Variants in FSTL4 observed in about 807,000 individuals in gnomAD.
The protein encoded by FSTL4 is follistatin-related protein 4.
In FSTL4, 28 loss-of-function variants were observed where a neutral mutation model predicts 78.2. The ratio of observed to expected loss-of-function variants is 0.36; its 90% CI spans 0.27 to 0.49. The LOEUF is 0.49. FSTL4 is among the 20% of genes least tolerant of loss of function. The pLI is 0.98. For synonymous variants in FSTL4, 422 were observed against 440.5 expected (o/e 0.96, Z 0.53); for missense variants, 922 against 1,084.9 (o/e 0.85, Z 2.11).
intron 6 of FSTL4, among the ~76,000 whole-genome samples, chr5:133,295,060 A>C (rs1417053066): frequency 1.3e-5 from 2 of 152,150 alleles, no homozygotes; most frequent in African/African-American, 4.8e-5. Context: ...AGCTGCCCAA[A>C]GATCACTCCG....
chr5:133,643,168 G>A, the FSTL4 span, among the ~76,000 whole-genome samples: 13 of 152,236 alleles, frequency 8.5e-5, no homozygotes, highest in Admixed American at 6.5e-4. Context: ...TAAAGCATAC[G>A]TATATGTATA....
chr5:133,361,022 T>C lies in FSTL4; in HGVS notation c.409+39716A>G, dbSNP rs1203403989. On this transcript the variant is annotated intron_variant, in intron 4 of 15. Transcript: ENST00000265342. This position sits in a 1 kb window ranked among gnomAD's most constrained non-coding sequence, Gnocchi z 4.3. ...CAATTGTGTAGGACCTTTTTTTCTCTTCTTGGAGTTTACAAACCTCGAAAT... is the reference window on the plus strand; with the variant it reads ...CAATTGTGTAGGACCTTTTTTTCTCCTCTTGGAGTTTACAAACCTCGAAAT... 6.6e-6 allele frequency among the ~76,000 whole-genome samples: 1 copy of C among 152,216 alleles called. No homozygotes were observed. The highest frequency in any genetic ancestry group is 1.5e-5 in the Non-Finnish European group (1 of 68,044).
chr5:133,839,575 T>A, the FSTL4 span, among the ~76,000 whole-genome samples: 1 of 152,188 alleles, frequency 6.6e-6, no homozygotes, highest in East Asian at 1.9e-4. Flanking sequence ...TAACACCCCA[T>A]GAACATTGTA....
the FSTL4 span, among the ~76,000 whole-genome samples, chr5:133,646,066 C>CA: frequency 6.6e-6 from 1 of 152,188 alleles, no homozygotes; most frequent in African/African-American, 2.4e-5. Context: ...CCTCCTAGAG[C>CA]ATGCAGTCCA....
At position 133,470,746 on chromosome 5, in the gene FSTL4, AAAAATAAAATAAAATAAAATAAAAT is replaced by A. The variant is rs61460224; in HGVS notation, c.161-69785_161-69761del. 3.0e-3 allele frequency among the ~76,000 whole-genome samples: 375 copies of A among 127,000 alleles called. 3 individuals carry two copies. Among genetic ancestry groups the A allele is most frequent in the Non-Finnish European group, 3.8e-3 (235 of 62,552 alleles). The allele number at this position is 127,000 out of a possible 152,430, so 83.3% of individuals were successfully genotyped here. A position where few individuals can be genotyped will look rare whatever the true frequency, so the allele number is the denominator to read the frequency against. ...GGGAACAAGAGTGAAACTCTGCCTC[AAAAATAAAATAAAATAAAATAAAAT>A]AAAATAAAATAAAATAAAATAAAAT... On this transcript the variant is annotated intron_variant, in intron 3 of 15. Transcript: ENST00000265342.
the FSTL4 span, among the ~76,000 whole-genome samples, chr5:133,693,174 A>T: frequency 2.2e-3 from 335 of 152,286 alleles, 2 homozygotes; most frequent in Non-Finnish European, 4.1e-3. Flanking sequence ...TGCTTTGCTG[A>T]TCCAGCCCCA....
At chr5:133,715,775 C>G in the FSTL4 span, among the ~76,000 whole-genome samples, 1 of 152,136 alleles carries the variant, frequency 6.6e-6, no homozygotes, top group Non-Finnish European at 1.5e-5. Flanking sequence ...GAATGCCTTG[C>G]GAAATCCCAA....
chr5:133,352,763 T>C (rs1754859395), intron 4 of FSTL4, among the ~76,000 whole-genome samples: 1 of 152,210 alleles, frequency 6.6e-6, no homozygotes, highest in South Asian at 2.1e-4. Context: ...GCATCCATGT[T>C]GTTGCAAATG....
At chr5:133,490,096 T>C (rs978805971) in intron 3 of FSTL4, among the ~76,000 whole-genome samples, 1 of 152,176 alleles carries the variant, frequency 6.6e-6, no homozygotes, top group Non-Finnish European at 1.5e-5. Context: ...CTGGTTTACA[T>C]GTATTTTCCT....
chr5:133,310,122 A>G (rs1366229), intron 6 of FSTL4, among the ~76,000 whole-genome samples: 83,880 of 151,952 alleles, frequency 0.55, 23,321 homozygotes, highest in Middle Eastern at 0.67. Context: ...ATTGATCCCC[A>G]TATGCTCCAA....
At chr5:133,403,605 C>G (rs139034431) in intron 3 of FSTL4, among the ~76,000 whole-genome samples, 1 of 152,208 alleles carries the variant, frequency 6.6e-6, no homozygotes. Context: ...GTGGTGAAGC[C>G]TCACATGTGT....
the FSTL4 span, among the ~76,000 whole-genome samples, chr5:133,711,924 G>A: frequency 1.3e-5 from 2 of 152,182 alleles, no homozygotes; most frequent in African/African-American, 4.8e-5. Context: ...ACAGCACACA[G>A]AGATGTTGGC....
chr5:133,538,887 G>C (rs993058101), intron 3 of FSTL4, among the ~76,000 whole-genome samples: 4 of 152,160 alleles, frequency 2.6e-5, no homozygotes, highest in African/African-American at 9.7e-5. Context: ...AGAGCGGGGG[G>C]CTAGCCAGCT....
intron 7 of FSTL4, 31 bp from the exon 8 acceptor site, chr5:133,233,568 G>A: frequency 6.2e-7 from 1 of 1,611,608 alleles, no homozygotes; most frequent in Non-Finnish European, 8.5e-7. Flanking sequence ...GATGAGACTG[G>A]CCTCTTTATT....
At chr5:133,532,457 G>A (rs1343536986) in intron 3 of FSTL4, among the ~76,000 whole-genome samples, 1 of 152,146 alleles carries the variant, frequency 6.6e-6, no homozygotes, top group African/African-American at 2.4e-5. Context: ...TTTTGGTTGT[G>A]TAGGCACACG....
chr5:133,302,792 G>A (rs1241979030), intron 6 of FSTL4, among the ~76,000 whole-genome samples: 2 of 152,228 alleles, frequency 1.3e-5, no homozygotes, highest in East Asian at 1.9e-4. Context: ...CACCATCAAG[G>A]GGAACCCTCA....
the FSTL4 span, among the ~76,000 whole-genome samples, chr5:133,695,707 A>G: frequency 1.3e-5 from 2 of 152,178 alleles, no homozygotes; most frequent in South Asian, 4.1e-4. Flanking sequence ...AGAGCCAGGT[A>G]CTGCTCCTCT....
At chr5:133,592,697 C>T (rs1219270464) in intron 2 of FSTL4, among the ~76,000 whole-genome samples, 4 of 152,074 alleles carry the variant, frequency 2.6e-5, no homozygotes, top group Non-Finnish European at 5.9e-5. Context: ...CTACTAGTTC[C>T]CAAGAGAGCT....
the FSTL4 span, among the ~76,000 whole-genome samples, chr5:133,732,200 C>A: frequency 6.6e-6 from 1 of 152,196 alleles, no homozygotes; most frequent in Non-Finnish European, 1.5e-5. Flanking sequence ...TCACCCAGGG[C>A]CCCCGAACTT....
Sources: gnomAD v4.1 joint callset for allele counts (sites outside exome capture counted in the v4.1 genomes callset) on GRCh38, gnomAD v4.1.1 for gene constraint, Gnocchi (gnomAD v3.1) non-coding constraint, MANE v1.5 for transcripts, NCBI Gene and HGNC (gene_info 2026-07-23, HGNC 2026-07-21) for gene names.